The following POLE variants were observed in gnomAD, a reference collection of about 807,000 sequenced individuals.
The protein encoded by POLE is DNA polymerase epsilon, catalytic subunit.
Under a neutral mutation model 279.2 loss-of-function variants are expected in POLE, and 188 were observed. The ratio of observed to expected loss-of-function variants is 0.67; its 90% confidence interval spans 0.60 to 0.76. The LOEUF (loss-of-function observed/expected upper bound fraction) is 0.76. POLE is among the 30% of genes least tolerant of loss of function. The pLI is 0.00. For missense variants in POLE, 2,703 were observed against 3,016.7 expected, an observed-to-expected ratio of 0.90 and a Z score of 2.44; for synonymous variants, 1,214 against 1,172.5, an observed-to-expected ratio of 1.04 and a Z score of -0.72.
chr12:132,678,541 C>T (rs1565978909), intron 6 of POLE, among the ~76,000 whole-genome samples: 2 of 152,122 alleles, frequency 1.3e-5, no homozygotes, highest in African/African-American at 4.8e-5. Context: ...TGCACCACTG[C>T]ACTCCAGCCT....
At chr12:132,647,196 C>T (rs1424433473) in intron 32 of POLE, among the ~76,000 whole-genome samples, 4 of 151,950 alleles carry the variant, frequency 2.6e-5, no homozygotes, top group African/African-American at 4.8e-5. Context: ...AAACATTAAA[C>T]ACTGAGGCAG....
At chr12:132,643,071 A>C in intron 35 of POLE, 75 bp from the exon 36 acceptor site, 1 of 1,489,434 alleles carries the variant, frequency 6.7e-7, no homozygotes, top group Admixed American at 2.1e-5. Flanking sequence ...AGACTCCACC[A>C]CTGCCACGGC....
At position 132,680,685 on chromosome 12, in the gene POLE, G is replaced by A. The variant is rs146986360; in HGVS notation, c.207C>T (p.Thr69=). 2.2e-5 allele frequency: 35 copies of A among 1,611,494 alleles called. No homozygotes were observed. The highest frequency in any genetic ancestry group is 8.9e-5 in the East Asian group (4 of 44,856). ...AGCGCTTATCTTCATCTAAAATCTC[G>A]GTCTACAAGAGAATCAGTCAACACA... ...KTGWLINMHP[T]EILDEDKRLG... The change falls in exon 3 of 49, where the codon ACC becomes ACT. Residue 69 remains threonine, a splice_region_variant and synonymous_variant. Transcript: ENST00000320574.
Position 132,664,264 on chromosome 12 carries a change from CT to C in POLE, c.2561+105del. The C allele has an allele frequency of 8.1e-7, 1 of 1,236,218 alleles. No homozygotes were observed. The highest frequency in any genetic ancestry group is 1.2e-6 in the Non-Finnish European group (1 of 849,870). 76.6% of individuals were successfully genotyped at this position (1,236,218 alleles called of 1,614,324 possible). On this transcript the variant is annotated intron_variant, in intron 22 of 48. Transcript: ENST00000320574. This position sits in a 1 kb window ranked among gnomAD's most constrained non-coding sequence, Gnocchi z 5.3. ...AGTGTGTGGCCTCCAGCCTTCCCTC[CT>C]TCCTTCCTGCCCAGTGTGTGGCCTC...
At chr12:132,636,309 A>G (rs753041145) in intron 41 of POLE, among the ~76,000 whole-genome samples, 1 of 151,994 alleles carries the variant, frequency 6.6e-6, no homozygotes, top group Non-Finnish European at 1.5e-5. Flanking sequence ...GCCTTAGGTG[A>G]CCTGCACCTG....
Position 132,625,008 on chromosome 12 carries a change from GC to G in POLE, c.6658-15del, listed in dbSNP as rs1212466312. 2 of 1,606,508 alleles carry G rather than the reference GC, an allele frequency of 1.2e-6. No individual in the cohort carries two copies. Among genetic ancestry groups the G allele is most frequent in the Non-Finnish European group, 1.7e-6 (2 of 1,173,876 alleles). ...CTTCAGGCAGACCTGAAAGGGAGCA[GC>G]CCCGATGGGCGCCAGCCCTCCCGCG... On this transcript the variant is annotated splice_polypyrimidine_tract_variant and intron_variant, in intron 47 of 48. Coordinates refer to ENST00000320574, the MANE Select transcript of POLE (RefSeq NM_006231.4).
intron 33 of POLE, 74 bp from the exon 34 acceptor site, chr12:132,643,634 G>C (rs773549105): frequency 6.3e-7 from 1 of 1,593,550 alleles, no homozygotes; most frequent in Non-Finnish European, 8.6e-7. Context: ...ACTTCTGCCC[G>C]GGATGTGGCT....
In POLE at chr12:132,649,558, T is replaced by C. The variant is rs373635444; in HGVS notation, c.3796-43A>G. ...CACAGCCAGTGTGCAAGTGGTGAGA[T>C]GGGAATGCCCGCCATGACTTTCTCA... is the stretch of plus-strand genomic sequence containing the variant. On this transcript the variant is annotated intron_variant, in intron 30 of 48. Coordinates refer to ENST00000320574, the MANE Select transcript of POLE (RefSeq NM_006231.4). 2.1e-5 allele frequency: 34 copies of C among 1,600,870 alleles called. No individual in the cohort carries two copies. Among genetic ancestry groups the C allele is most frequent in the Non-Finnish European group, 2.7e-5 (32 of 1,170,962 alleles).
At chr12:132,654,319 C>T (rs2042487432) in intron 29 of POLE, among the ~76,000 whole-genome samples, 1 of 151,982 alleles carries the variant, frequency 6.6e-6, no homozygotes, top group African/African-American at 2.4e-5. Context: ...GCTATCCTCC[C>T]GCCTCTGCCT....
chr12:132,685,594 T>A (rs1360170487), intron 1 of POLE, among the ~76,000 whole-genome samples: 2 of 152,228 alleles, frequency 1.3e-5, no homozygotes, highest in Admixed American at 1.3e-4. Context: ...GCCTTCCCCC[T>A]GCCTGGAGGC....
In POLE at chr12:132,632,323, C is replaced by T. The variant is rs776551240; in HGVS notation, c.6322G>A (p.Val2108Met). 6.8e-6 allele frequency: 11 copies of T among 1,613,584 alleles called. No homozygotes were observed. Among genetic ancestry groups the T allele is most frequent in the African/African-American group, 5.3e-5 (4 of 74,904 alleles). The part of the protein sequence containing the change: ...NNPALEFIKY[V>M]CKVLSLDTNI... Reference sequence around the variant, plus strand: ...CACGCTGGCACTCTCACCTTGCACACGTATTTGATGAACTCCAGGGCAGGG... The same window carrying T: ...CACGCTGGCACTCTCACCTTGCACATGTATTTGATGAACTCCAGGGCAGGG... Residue 2108 changes from valine (V) to methionine (M), a missense_variant, in exon 45 of 49, where the codon GTG (valine) becomes ATG (methionine). By Grantham distance (21) the Val-to-Met change is conservative. Around this residue, in one of 5 missense-constraint regions of POLE, gnomAD observed 1,551 missense variants for 1,686.1 expected, o/e 0.92. Transcript: ENST00000320574.
chr12:132,629,262 G>T (rs1431619546), intron 45 of POLE, among the ~76,000 whole-genome samples: 1 of 152,204 alleles, frequency 6.6e-6, no homozygotes, highest in Non-Finnish European at 1.5e-5. Flanking sequence ...AAGACTGAAT[G>T]AGCAGTGGCT....
At chr12:132,674,501 C>T (rs1363591175) in intron 12 of POLE, among the ~76,000 whole-genome samples, 2 of 152,122 alleles carry the variant, frequency 1.3e-5, no homozygotes, top group Non-Finnish European at 2.9e-5. Flanking sequence ...GGGTCACCTC[C>T]TGCCTCAAGC....
intron 32 of POLE, among the ~76,000 whole-genome samples, chr12:132,648,313 T>G (rs111457784): frequency 6.8e-4 from 102 of 150,970 alleles, no homozygotes; most frequent in African/African-American, 2.3e-3. Context: ...AGGTTTCTTT[T>G]TGGAGTGATG....
At position 132,649,759 on chromosome 12, in the gene POLE, C is replaced by T. The variant is rs879255392; in HGVS notation, c.3713G>A (p.Ser1238Asn). Residue 1238 changes from serine (S) to asparagine (N), a missense_variant, in exon 30 of 49, where the codon AGC (serine) becomes AAC (asparagine). Transcript: ENST00000320574. ...CGTGAGGTCCTGGGACTCCTCCTGG[C>T]TCTCCCAAAGAACTCGCTTCCTCTT... ...TVKRKRVLWE[S>N]QEESQDLTPT... 2 of 1,614,196 alleles carry T rather than the reference C, an allele frequency of 1.2e-6. No homozygotes were observed. Among genetic ancestry groups the T allele is most frequent in the Non-Finnish European group, 1.7e-6 (2 of 1,180,044 alleles).
chr12:132,636,467 AAG>A lies in POLE; in HGVS notation c.5679-445_5679-444del, dbSNP rs1226301409. 4.4e-3 allele frequency among the ~76,000 whole-genome samples: 637 copies of A among 144,096 alleles called. 4 individuals carry two copies. The highest frequency in any genetic ancestry group is 0.015 in the African/African-American group (575 of 38,734). 94.5% of individuals were successfully genotyped at this position (144,096 alleles called of 152,430 possible). A position where few individuals can be genotyped will look rare whatever the true frequency, so the allele number is the denominator to read the frequency against. On this transcript the variant is annotated intron_variant, in intron 41 of 48. Coordinates refer to ENST00000320574, the MANE Select transcript of POLE (RefSeq NM_006231.4). The stretch of plus-strand genomic sequence containing the variant: ...AAAAAAAAAAAAAAAAAAAAAAAAA[AAG>A]AACAGGCCAGGCACGGTGGCTCACG...
intron 41 of POLE, among the ~76,000 whole-genome samples, chr12:132,637,076 G>C (rs1412781439): frequency 1.3e-5 from 2 of 152,180 alleles, no homozygotes; most frequent in Non-Finnish European, 2.9e-5. Flanking sequence ...AGCTTTCCCA[G>C]GCACACAGCG....
Position 132,623,953 on chromosome 12 carries a change from T to C in POLE, c.*744A>G. The C allele has an allele frequency of 5.3e-6, 1 of 188,196 alleles. No homozygotes were observed. The highest frequency in any genetic ancestry group is 1.1e-5 in the Non-Finnish European group (1 of 89,496). 11.7% of individuals were successfully genotyped at this position (188,196 alleles called of 1,614,324 possible). ...TTTCTGATTTACATTTCATACTTGT[T>C]TGGTGCCCTGTGAAATTGGCCTTTC... On this transcript the variant is annotated 3_prime_UTR_variant, in exon 49 of 49. Transcript: ENST00000320574.
rs1451463755 is a variant in POLE, at chr12:132,675,117, G to C, written c.1226+281C>G. Among the ~76,000 whole-genome samples, 1 of 152,206 alleles carries C rather than the reference G, an allele frequency of 6.6e-6. No homozygotes were observed. The highest frequency in any genetic ancestry group is 1.5e-5 in the Non-Finnish European group (1 of 68,042). On this transcript the variant is annotated intron_variant, in intron 12 of 48. Coordinates refer to ENST00000320574, the MANE Select transcript of POLE (RefSeq NM_006231.4). The surrounding 1 kb of genome is among the most constrained non-coding windows in gnomAD (Gnocchi z 4.3). ...GGCAGAGCAGCTCCATGAGGTCCTA[G>C]GTCTGGGACCTGTCAGCTGAGTGCG...
Sources: allele counts gnomAD v4.1 joint callset (sites outside exome capture counted in the v4.1 genomes callset), GRCh38; gene constraint gnomAD v4.1.1; regional missense constraint gnomAD v4.1.1; non-coding constraint Gnocchi (gnomAD v3.1); transcripts MANE v1.5; gene names NCBI Gene and HGNC (gene_info 2026-07-23, HGNC 2026-07-21).